The following TF variants were observed in gnomAD, a reference collection of about 807,000 sequenced individuals.
TF encodes the protein transferrin.
In TF, 55 loss-of-function variants were observed where a neutral mutation model predicts 82.4. That is an observed-to-expected ratio of 0.67 (90% CI 0.54 to 0.84). The LOEUF (loss-of-function observed/expected upper bound fraction) is 0.84. Ranked by LOEUF, TF falls within the 40% of genes least tolerant of loss-of-function variation. The pLI is 0.00. For missense variants in TF, 737 were observed against 868.4 expected, an observed-to-expected ratio of 0.85 and a Z score of 1.90; for synonymous variants, 332 against 332.6, an observed-to-expected ratio of 1.00 and a Z score of 0.02.
In TF at chr3:133,756,327, G is replaced by A. The variant is rs370152575; in HGVS notation, c.681G>A (p.Ser227=). 35 of 1,614,042 alleles carry A rather than the reference G, an allele frequency of 2.2e-5. No individual in the cohort carries two copies. Among genetic ancestry groups the A allele is most frequent in the South Asian group, 2.0e-4 (18 of 91,018 alleles). Residue 227 remains serine (S), a synonymous_variant, in exon 6 of 17, where the codon TCG becomes TCA. Coordinates refer to ENST00000402696, the MANE Select transcript of TF (RefSeq NM_001063.4). ...GGGATGTGGCCTTTGTCAAGCACTC[G>A]ACTATATTTGGTAAGAATGGGACAA... is the stretch of plus-strand genomic sequence containing the variant. ...GAGDVAFVKH[S]TIFENLANKA... is the part of the protein sequence containing the mutation.
intron 5 of TF, chr3:133,755,835 C>G: frequency 4.4e-6 from 2 of 457,434 alleles, no homozygotes; most frequent in Non-Finnish European, 8.0e-6. Context: ...GACTGGCCCT[C>G]TTCCCTCAAT....
the TF span, among the ~76,000 whole-genome samples, chr3:133,715,209 A>C: frequency 6.6e-6 from 1 of 152,024 alleles, no homozygotes; most frequent in African/African-American, 2.4e-5. Flanking sequence ...CTAGAAGACA[A>C]TTCCATACTT....
the TF span, among the ~76,000 whole-genome samples, chr3:133,671,280 C>T: frequency 6.6e-6 from 1 of 152,112 alleles, no homozygotes; most frequent in Non-Finnish European, 1.5e-5. Flanking sequence ...GATATTGGCC[C>T]ACCTGGATAA....
chr3:133,757,066 G>T (rs1260579370), intron 7 of TF, 57 bp downstream of exon 7: 4 of 1,609,122 alleles, frequency 2.5e-6, no homozygotes, highest in Non-Finnish European at 3.4e-6. Flanking sequence ...GGATTTGGGG[G>T]TTTTCCTCCT....
chr3:133,664,111 C>CT, the TF span, among the ~76,000 whole-genome samples: 1 of 152,162 alleles, frequency 6.6e-6, no homozygotes. Flanking sequence ...CCACTTCAGA[C>CT]TTATTAAGTC....
intron 2 of TF, among the ~76,000 whole-genome samples, chr3:133,750,625 C>T (rs924868179): frequency 1.7e-4 from 26 of 152,064 alleles, no homozygotes; most frequent in Admixed American, 3.9e-4. Context: ...TAGGGCTGGA[C>T]GCTGTGTTTT....
the TF span, among the ~76,000 whole-genome samples, chr3:133,662,978 G>A: frequency 6.6e-6 from 1 of 152,048 alleles, no homozygotes; most frequent in Non-Finnish European, 1.5e-5. Flanking sequence ...TCTTTGCTTG[G>A]CCAAACTTTA....
At chr3:133,761,135 T>G (rs1933981500) in intron 9 of TF, 1 of 187,962 alleles carries the variant, frequency 5.3e-6, no homozygotes, top group Non-Finnish European at 1.2e-5. Context: ...GTAATCATGT[T>G]CATGAGTAGA....
intron 14 of TF, chr3:133,774,708 T>G (rs1934341523): frequency 5.0e-6 from 1 of 199,800 alleles, no homozygotes; most frequent in African/African-American, 2.3e-5. Flanking sequence ...TGTGATCTCA[T>G]GTATTAGTTA....
upstream of TF, among the ~76,000 whole-genome samples, chr3:133,744,748 T>C (rs1406944083): frequency 6.6e-6 from 1 of 152,222 alleles, no homozygotes; most frequent in Admixed American, 6.5e-5. Flanking sequence ...GACTCTAAAG[T>C]GGGAGGTATG....
chr3:133,693,997 G>A, the TF span, among the ~76,000 whole-genome samples: 15 of 152,114 alleles, frequency 9.9e-5, no homozygotes, highest in African/African-American at 3.6e-4. Context: ...GCCTAAACCC[G>A]CAGGGACCCT....
chr3:133,727,638 G>A, the TF span, among the ~76,000 whole-genome samples: 3 of 116,888 alleles, frequency 2.6e-5, no homozygotes, highest in African/African-American at 9.9e-5. Flanking sequence ...TTTAATTGGA[G>A]CATTTAGTCC....
chr3:133,750,849 G>C (rs1400521114), intron 2 of TF, among the ~76,000 whole-genome samples: 4 of 152,162 alleles, frequency 2.6e-5, no homozygotes, highest in African/African-American at 7.2e-5. Flanking sequence ...TGTTACATAT[G>C]TACACATGTG....
At chr3:133,728,210 G>C in the TF span, among the ~76,000 whole-genome samples, 1 of 152,174 alleles carries the variant, frequency 6.6e-6, no homozygotes, top group Non-Finnish European at 1.5e-5. Flanking sequence ...TGCCTTGCTA[G>C]ATTGGGGAAG....
At chr3:133,665,949 A>C in the TF span, among the ~76,000 whole-genome samples, 2 of 151,596 alleles carry the variant, frequency 1.3e-5, no homozygotes, top group South Asian at 2.1e-4. Flanking sequence ...AAAAAAAAAA[A>C]AAAAAGAACG....
At chr3:133,664,732 A>G in the TF span, among the ~76,000 whole-genome samples, 1 of 151,580 alleles carries the variant, frequency 6.6e-6, no homozygotes, top group African/African-American at 2.4e-5. Context: ...TTATTGTTGT[A>G]TTTTTTCTAC....
the TF span, among the ~76,000 whole-genome samples, chr3:133,737,901 C>A: frequency 6.6e-6 from 1 of 152,184 alleles, no homozygotes; most frequent in Non-Finnish European, 1.5e-5. Context: ...AGAGCTGGTA[C>A]CATTCCTTCT....
the TF span, among the ~76,000 whole-genome samples, chr3:133,729,838 C>T: frequency 2.0e-5 from 3 of 152,074 alleles, no homozygotes; most frequent in Non-Finnish European, 2.9e-5. Context: ...TATGATATCT[C>T]TTTGTTGATT....
rs71136494 is a variant in TF, at chr3:133,771,743, C to CAAAAA, written c.1687+1190_1687+1194dup. 1.5e-3 allele frequency among the ~76,000 whole-genome samples: 82 copies of CAAAAA among 56,538 alleles called. 11 individuals carry two copies. Among genetic ancestry groups the CAAAAA allele is most frequent in the African/African-American group, 6.4e-3 (64 of 9,972 alleles). 37.1% of individuals were successfully genotyped at this position (56,538 alleles called of 152,430 possible). A position where few individuals can be genotyped will look rare whatever the true frequency, so the allele number is the denominator to read the frequency against. On this transcript the variant is annotated intron_variant, in intron 14 of 16. Transcript: ENST00000402696. ...TGGGCGACAGAGCGAGACTCCGTCT[C>CAAAAA]AAAAAAAAAAAAAAAAAAAAAAAGA...
Sources: gnomAD v4.1 joint callset for allele counts (sites outside exome capture counted in the v4.1 genomes callset) on GRCh38, gnomAD v4.1.1 for gene constraint, MANE v1.5 for transcripts, NCBI Gene and HGNC (gene_info 2026-07-23, HGNC 2026-07-21) for gene names.